Variants in STK32B observed in about 807,000 individuals in gnomAD.
STK32B encodes the protein serine/threonine-protein kinase 32B.
A neutral mutation model predicts 52.6 loss-of-function variants in STK32B; 43 were observed. The ratio of observed to expected loss-of-function variants is 0.82; its 90% CI spans 0.64 to 1.05. The LOEUF is 1.05. Among genes scored for constraint, STK32B ranks in the 50% least tolerant of loss-of-function variants. The pLI is 0.00. For synonymous variants in STK32B, 238 were observed against 204.3 expected, an observed-to-expected ratio of 1.17 and a Z score of -1.41; for missense variants, 621 against 534.6, an observed-to-expected ratio of 1.16 and a Z score of -1.59.
intron 3 of STK32B, among the ~76,000 whole-genome samples, chr4:5,176,438 CTT>C (rs34628636): frequency 8.0e-4 from 90 of 111,950 alleles, no homozygotes; most frequent in East Asian, 1.8e-3. Flanking sequence ...CGGCCATCAT[CTT>C]TTTTTTTTTT....
chr4:5,329,086 G>T (rs2108950951), intron 3 of STK32B, among the ~76,000 whole-genome samples: 1 of 152,330 alleles, frequency 6.6e-6, no homozygotes, highest in South Asian at 2.1e-4. Flanking sequence ...AACTGTGACA[G>T]GAATATTGGG....
At chr4:5,473,577 C>G in intron 11 of STK32B, among the ~76,000 whole-genome samples, 1 of 152,160 alleles carries the variant, frequency 6.6e-6, no homozygotes. Context: ...GGCTCCAGAG[C>G]CCCAGGCTGA....
At chr4:5,176,823 A>T (rs1353975447) in intron 3 of STK32B, among the ~76,000 whole-genome samples, 1 of 152,098 alleles carries the variant, frequency 6.6e-6, no homozygotes, top group Non-Finnish European at 1.5e-5. Context: ...TGGTTACATG[A>T]CAGGGCTGGG....
intron 4 of STK32B, among the ~76,000 whole-genome samples, chr4:5,338,344 A>G (rs1460199798): frequency 1.3e-5 from 2 of 152,222 alleles, no homozygotes; most frequent in Non-Finnish European, 2.9e-5. Flanking sequence ...TTTTGAATGA[A>G]TGCAGGCATT....
chr4:5,447,834 T>C (rs1024765554), intron 7 of STK32B, among the ~76,000 whole-genome samples: 1 of 152,202 alleles, frequency 6.6e-6, no homozygotes, highest in Non-Finnish European at 1.5e-5. Flanking sequence ...GTGGGAGACA[T>C]GGTTTGCCTG....
chr4:5,098,584 T>C (rs1713526005), intron 1 of STK32B, among the ~76,000 whole-genome samples: 1 of 152,206 alleles, frequency 6.6e-6, no homozygotes, highest in African/African-American at 2.4e-5. Context: ...TACTGCTAGC[T>C]CCACTTTATA....
intron 3 of STK32B, among the ~76,000 whole-genome samples, chr4:5,322,428 A>C (rs748655874): frequency 4.4e-4 from 67 of 152,274 alleles, no homozygotes; most frequent in Non-Finnish European, 9.3e-4. Flanking sequence ...GATGGAATGG[A>C]AAGTGGCCTG....
At chr4:5,103,810 G>T (rs1037848971) in intron 1 of STK32B, among the ~76,000 whole-genome samples, 1 of 152,160 alleles carries the variant, frequency 6.6e-6, no homozygotes, top group South Asian at 2.1e-4. Context: ...TTGCCAGTAC[G>T]ATGAGTATGA....
chr4:5,169,897 A>AT (rs113300939), intron 3 of STK32B, among the ~76,000 whole-genome samples: 5,272 of 152,016 alleles, frequency 0.035, 112 homozygotes, highest in Admixed American at 0.051. Flanking sequence ...CTTTTCTTGT[A>AT]TTTTTTTTCA....
At chr4:5,132,835 C>T (rs1025617307) in intron 1 of STK32B, among the ~76,000 whole-genome samples, 1 of 151,700 alleles carries the variant, frequency 6.6e-6, no homozygotes. Context: ...GCTCTGTTAC[C>T]CAGGCTGGAG....
intron 11 of STK32B, among the ~76,000 whole-genome samples, chr4:5,488,120 G>A (rs1719388404): frequency 1.3e-5 from 2 of 152,138 alleles, no homozygotes; most frequent in Non-Finnish European, 2.9e-5. Context: ...CCAACATGGT[G>A]AAACACTGTC....
chr4:5,472,710 G>T (rs182079951), intron 11 of STK32B, among the ~76,000 whole-genome samples: 2 of 152,272 alleles, frequency 1.3e-5, no homozygotes, highest in African/African-American at 4.8e-5. Context: ...TCATATAAAA[G>T]CTACCCCTGG....
chr4:5,175,414 T>A (rs762086754), intron 3 of STK32B, among the ~76,000 whole-genome samples: 2 of 152,354 alleles, frequency 1.3e-5, no homozygotes, highest in Middle Eastern at 3.4e-3. Context: ...CTGCTCTGTT[T>A]TTTCCTCATC....
At chr4:5,285,826 C>T (rs1185235415) in intron 3 of STK32B, among the ~76,000 whole-genome samples, 1 of 152,110 alleles carries the variant, frequency 6.6e-6, no homozygotes, top group East Asian at 1.9e-4. Context: ...AGACATCAAG[C>T]TCACTCTGAA....
At chr4:5,407,472 G>C (rs150522796) in intron 5 of STK32B, among the ~76,000 whole-genome samples, 37 of 152,118 alleles carry the variant, frequency 2.4e-4, no homozygotes, top group African/African-American at 8.2e-4. Flanking sequence ...ATATTAGTTT[G>C]TTGTCACACT....
At chr4:5,100,390 C>T (rs1404142061) in intron 1 of STK32B, among the ~76,000 whole-genome samples, 2 of 137,816 alleles carry the variant, frequency 1.5e-5, no homozygotes, top group Non-Finnish European at 3.1e-5. Flanking sequence ...TTCTTCCTTC[C>T]TTCCTTCTTT....
intron 4 of STK32B, among the ~76,000 whole-genome samples, chr4:5,332,051 C>T (rs1732288663): frequency 6.6e-6 from 1 of 152,140 alleles, no homozygotes; most frequent in Admixed American, 6.5e-5. Flanking sequence ...ATTGGTTTAC[C>T]CATGGTCTTG....
At chr4:5,436,932 T>C (rs144467859) in intron 6 of STK32B, among the ~76,000 whole-genome samples, 35 of 152,332 alleles carry the variant, frequency 2.3e-4, no homozygotes, top group Non-Finnish European at 4.3e-4. Flanking sequence ...TCCACCTCTG[T>C]TGCAAACATC....
At chr4:5,048,660 T>G (rs1474514347), upstream of STK32B, among the ~76,000 whole-genome samples, 1 of 152,250 alleles carries the variant, frequency 6.6e-6, no homozygotes, top group Non-Finnish European at 1.5e-5. Flanking sequence ...ACTCCTGACC[T>G]CAAGTGATCC....
Sources: allele counts gnomAD v4.1 joint callset (sites outside exome capture counted in the v4.1 genomes callset), GRCh38; gene constraint gnomAD v4.1.1; transcripts MANE v1.5; gene names NCBI Gene and HGNC (gene_info 2026-07-23, HGNC 2026-07-21).